Variants in CNOT9 observed in about 807,000 individuals in gnomAD.
The protein encoded by CNOT9 is CCR4-NOT transcription complex subunit 9.
A neutral mutation model predicts 37.4 loss-of-function variants in CNOT9; 8 were observed. That is an observed-to-expected ratio of 0.21 (90% CI 0.13 to 0.39). The LOEUF is 0.39. CNOT9 is among the 10% of genes least tolerant of loss of function. The pLI is 1.00. For synonymous variants in CNOT9, 120 were observed against 137.6 expected (o/e 0.87, Z 0.90); for missense variants, 154 against 365.3 (o/e 0.42, Z 4.71).
In CNOT9 at chr2:218,596,480, A is replaced by G. The variant is rs1694928201; in HGVS notation, c.*2204A>G. The G allele has an allele frequency of 6.6e-6, 1 of 152,214 alleles. No individual in the cohort carries two copies. Among genetic ancestry groups the G allele is most frequent in the Non-Finnish European group, 1.5e-5 (1 of 68,072 alleles). The allele number at this position is 152,214 out of a possible 1,614,324, so 9.4% of individuals were successfully genotyped here. ...TTATTCTATCAGTATATGGGTAACT[A>G]GGCACTTTGGTCAGGTGATCCTTGT... On this transcript the variant is annotated 3_prime_UTR_variant, in exon 8 of 8. Transcript: ENST00000273064.
intron 7 of CNOT9, chr2:218,593,633 CTTA>C: frequency 7.1e-7 from 1 of 1,409,940 alleles, no homozygotes; most frequent in Non-Finnish European, 9.3e-7. Context: ...CTGCTCATCT[CTTA>C]TTAAGGTTTT....
chr2:218,569,055 G>C, intron 1 of CNOT9, 77 bp downstream of exon 1: 14 of 1,516,368 alleles, frequency 9.2e-6, no homozygotes, highest in Non-Finnish European at 1.3e-5. Flanking sequence ...CCTAATTCCC[G>C]GTGTCGGGTC....
intron 5 of CNOT9, among the ~76,000 whole-genome samples, chr2:218,590,136 C>T (rs574023137): frequency 4.0e-5 from 6 of 151,798 alleles, no homozygotes; most frequent in South Asian, 2.1e-4. Context: ...GGAGTGATCT[C>T]GGCTCATTGC....
intron 5 of CNOT9, among the ~76,000 whole-genome samples, chr2:218,589,571 A>T (rs1463967173): frequency 4.6e-5 from 7 of 152,182 alleles, no homozygotes; most frequent in Non-Finnish European, 1.5e-5. Flanking sequence ...CCTGGGCTCA[A>T]AGGATCTTCC....
Position 218,583,221 on chromosome 2 carries a change from GTGTGTGTGTGTGTCTCTCTCTCTC to G in CNOT9, c.320+137_320+160del, listed in dbSNP as rs1339547102. Reference sequence around the variant, plus strand: ...TGTGTGTGTGTGTGTGTGTGTGTGTGTGTGTGTGTGTGTCTCTCTCTCTCTCTCTCTCTCTCTCTCTCTCTCTCT... The same window carrying G: ...TGTGTGTGTGTGTGTGTGTGTGTGTGTCTCTCTCTCTCTCTCTCTCTCTCT... On this transcript the variant is annotated intron_variant, in intron 3 of 7. Coordinates refer to ENST00000273064, the MANE Select transcript of CNOT9 (RefSeq NM_005444.3). 4.6e-3 allele frequency: 1,735 copies of G among 377,300 alleles called. 9 individuals carry two copies. Among genetic ancestry groups the G allele is most frequent in the East Asian group, 0.016 (351 of 21,622 alleles). 23.4% of individuals were successfully genotyped at this position (377,300 alleles called of 1,614,324 possible). A position where few individuals can be genotyped will look rare whatever the true frequency, so the allele number is the denominator to read the frequency against.
At position 218,584,690 on chromosome 2, in the gene CNOT9, G is replaced by A; in HGVS notation, c.399G>A (p.Glu133=). 4 of 1,613,430 alleles carry A rather than the reference G, an allele frequency of 2.5e-6. No homozygotes were observed. The highest frequency in any genetic ancestry group is 3.4e-6 in the Non-Finnish European group (4 of 1,179,406). Reference sequence around the variant, plus strand: ...CTGTCAGCAAAACACGTCCCTTTGAGTATCTCCGGCTCACCAGCCTTGGAG... The same window carrying A: ...CTGTCAGCAAAACACGTCCCTTTGAATATCTCCGGCTCACCAGCCTTGGAG... The part of the protein sequence containing the change: ...LHTVSKTRPF[E]YLRLTSLGVI... Residue 133 remains glutamate (E), a synonymous_variant, in exon 4 of 8, where the codon GAG becomes GAA. Coordinates refer to ENST00000273064, the MANE Select transcript of CNOT9 (RefSeq NM_005444.3).
rs1429587145 is a variant in CNOT9 at position 218,593,798 on chromosome 2, CAT to C, written c.732-309_732-308del. On this transcript the variant is annotated intron_variant, in intron 7 of 7. Coordinates refer to ENST00000273064, the MANE Select transcript of CNOT9 (RefSeq NM_005444.3). ...TTTGCCATAATCCATATATTTCTAA[CAT>C]GAGTATTTTGACAGTATTTAATAAA... 138 of 1,208,612 alleles carry C rather than the reference CAT, an allele frequency of 1.1e-4. No individual in the cohort carries two copies. In the African/African-American group the frequency reaches 2.0e-3, roughly 17 times the overall value. 74.9% of individuals were successfully genotyped at this position (1,208,612 alleles called of 1,614,324 possible).
At chr2:218,586,681 G>T (rs566431046) in intron 4 of CNOT9, among the ~76,000 whole-genome samples, 48 of 152,132 alleles carry the variant, frequency 3.2e-4, no homozygotes, top group Non-Finnish European at 5.3e-4. Flanking sequence ...TAGAGACAGG[G>T]TTTCACGATG....
intron 1 of CNOT9, among the ~76,000 whole-genome samples, chr2:218,578,241 T>G (rs915494091): frequency 6.6e-6 from 1 of 152,242 alleles, no homozygotes; most frequent in Non-Finnish European, 1.5e-5. Flanking sequence ...CACTTAAAGC[T>G]TAAGCTGCAT....
Position 218,592,533 on chromosome 2 carries a change from C to T in CNOT9, c.640-83C>T, listed in dbSNP as rs533294780. On this transcript the variant is annotated intron_variant, in intron 6 of 7. Coordinates refer to ENST00000273064, the MANE Select transcript of CNOT9 (RefSeq NM_005444.3). This position sits in a 1 kb window ranked among gnomAD's most constrained non-coding sequence, Gnocchi z 4.1. ...TTTGGAACCTTTTATGATTCTTGGA[C>T]TATCTGATCTCTGATGTCAATTAGA... 2 of 1,510,752 alleles carry T rather than the reference C, an allele frequency of 1.3e-6. No individual in the cohort carries two copies. Among genetic ancestry groups the T allele is most frequent in the Admixed American group, 1.7e-5 (1 of 59,916 alleles). 93.6% of individuals were successfully genotyped at this position (1,510,752 alleles called of 1,614,324 possible).
At chr2:218,591,764 A>C (rs1460797347) in intron 5 of CNOT9, among the ~76,000 whole-genome samples, 6 of 152,052 alleles carry the variant, frequency 3.9e-5, no homozygotes. Context: ...AGAAAAGAAA[A>C]AAGAAAGAAA....
At chr2:218,573,360 A>G (rs1694064236) in intron 1 of CNOT9, among the ~76,000 whole-genome samples, 2 of 152,060 alleles carry the variant, frequency 1.3e-5, no homozygotes, top group South Asian at 4.2e-4. Context: ...GCTCTTATAA[A>G]ATTATGAAGG....
intron 4 of CNOT9, among the ~76,000 whole-genome samples, chr2:218,585,805 ATTT>A (rs1694575159): frequency 6.6e-6 from 1 of 151,504 alleles, no homozygotes; most frequent in African/African-American, 2.4e-5. Flanking sequence ...ACCTGGCTAC[ATTT>A]TTTTATTTTT....
intron 2 of CNOT9, among the ~76,000 whole-genome samples, chr2:218,581,679 C>G (rs1574990147): frequency 6.6e-6 from 1 of 152,282 alleles, no homozygotes; most frequent in East Asian, 1.9e-4. Context: ...ATTAGATTAA[C>G]TTTTCAACTC....
At chr2:218,584,146 T>G (rs897302581) in intron 3 of CNOT9, among the ~76,000 whole-genome samples, 2 of 152,244 alleles carry the variant, frequency 1.3e-5, no homozygotes, top group African/African-American at 4.8e-5. Context: ...TTGGATATTT[T>G]AAGTTAATCA....
rs1049115924 is a variant in CNOT9, at chr2:218,596,915, G to A, written c.*2639G>A. On this transcript the variant is annotated 3_prime_UTR_variant, in exon 8 of 8. Transcript: ENST00000273064. ...CGTTCTTTTTTCAAGAGCCTTAGAG[G>A]GCCTGTGGCCTGTTTCACTGGTGGA... 2 of 152,246 alleles carry A rather than the reference G, an allele frequency of 1.3e-5. No individual in the cohort carries two copies. The highest frequency in any genetic ancestry group is 4.8e-5 in the African/African-American group (2 of 41,546). The allele number at this position is 152,246 out of a possible 1,614,324, so 9.4% of individuals were successfully genotyped here.
chr2:218,586,327 C>G (rs997320002), intron 4 of CNOT9, among the ~76,000 whole-genome samples: 1 of 152,098 alleles, frequency 6.6e-6, no homozygotes, highest in Non-Finnish European at 1.5e-5. Context: ...GGACATGGCC[C>G]TCATGAGGTT....
chr2:218,592,238 TGAGTA>T lies in CNOT9; in HGVS notation c.541-63_541-59del. On this transcript the variant is annotated intron_variant, in intron 5 of 7. Transcript: ENST00000273064. This position sits in a 1 kb window ranked among gnomAD's most constrained non-coding sequence, Gnocchi z 4.1. ...TGACTGATAGTCATGCCTGGGAAAA[TGAGTA>T]GAAAATGAGAAGATTAAATCTGAGC... 3.3e-6 allele frequency: 4 copies of T among 1,195,466 alleles called. No individual in the cohort carries two copies. Among genetic ancestry groups the T allele is most frequent in the Non-Finnish European group, 4.9e-6 (4 of 811,016 alleles). The allele number at this position is 1,195,466 out of a possible 1,614,324, so 74.1% of individuals were successfully genotyped here.
At chr2:218,572,194 G>A (rs111687088) in intron 1 of CNOT9, among the ~76,000 whole-genome samples, 6,915 of 151,912 alleles carry the variant, frequency 0.046, 432 homozygotes, top group African/African-American at 0.15. Context: ...GGTGGCAGGC[G>A]CCTGTAATCC....
Sources: allele counts gnomAD v4.1 joint callset (sites outside exome capture counted in the v4.1 genomes callset), GRCh38; gene constraint gnomAD v4.1.1; non-coding constraint Gnocchi (gnomAD v3.1); transcripts MANE v1.5; gene names NCBI Gene and HGNC (gene_info 2026-07-23, HGNC 2026-07-21).